ZNF33A: variants seen among roughly 807,000 people sequenced by gnomAD.
ZNF33A encodes the protein zinc finger protein 33A.
Under a neutral mutation model 15.9 loss-of-function variants are expected in ZNF33A, and 9 were observed. That is an observed-to-expected ratio of 0.57 (90% CI 0.34 to 0.99). The LOEUF (loss-of-function observed/expected upper bound fraction) is 0.99. Ranked by LOEUF, ZNF33A falls within the 50% of genes least tolerant of loss-of-function variation. ZNF33A has a pLI of 0.02. For missense variants in ZNF33A, 843 were observed against 941.6 expected (o/e 0.90, Z 1.37); for synonymous variants, 294 against 324.2 (o/e 0.91, Z 1.00).
chr10:38,056,141 T>C lies in ZNF33A; in HGVS notation c.2017T>C (p.Ser673Pro). 1 of 1,613,680 alleles carries C rather than the reference T, an allele frequency of 6.2e-7. No individual in the cohort carries two copies. The highest frequency in any genetic ancestry group is 8.5e-7 in the Non-Finnish European group (1 of 1,179,902). The change falls in exon 5 of 5, where the codon TCT (serine) becomes CCT (proline). Residue 673 changes from serine to proline, a missense_variant. Ser to Pro is a moderately conservative substitution (Grantham distance 74, BLOSUM62 -1). Transcript: ENST00000432900. ...KPYKCNECGKSFCVKSGLIFH... is the reference protein window; with the variant it reads ...KPYKCNECGKPFCVKSGLIFH... ...CTATAAATGTAATGAATGTGGAAAA[T>C]CTTTCTGTGTAAAATCAGGACTTAT...
rs1316216314 is a variant in ZNF33A at position 38,059,388 on chromosome 10, C to T, written c.*2828C>T. ...TGTTAAAAAAAAAAGAAATAAAATG[C>T]ACATAGATTTGAAAGGATGAAATAC... is the stretch of plus-strand genomic sequence containing the variant. On this transcript the variant is annotated 3_prime_UTR_variant, in exon 5 of 5. Transcript: ENST00000432900. 1 of 151,992 alleles carries T rather than the reference C, an allele frequency of 6.6e-6. No homozygotes were observed. The highest frequency in any genetic ancestry group is 1.5e-5 in the Non-Finnish European group (1 of 68,014). The allele number at this position is 151,992 out of a possible 1,614,324, so 9.4% of individuals were successfully genotyped here.
intron 4 of ZNF33A, among the ~76,000 whole-genome samples, chr10:38,036,679 A>G (rs936980494): frequency 5.9e-5 from 9 of 152,220 alleles, no homozygotes; most frequent in African/African-American, 2.2e-4. Flanking sequence ...TCCCTAAGAT[A>G]AGGAAACAAG....
At chr10:38,052,631 A>G (rs1310667586) in intron 4 of ZNF33A, among the ~76,000 whole-genome samples, 1 of 152,124 alleles carries the variant, frequency 6.6e-6, no homozygotes, top group Non-Finnish European at 1.5e-5. Context: ...GTAGACAGGA[A>G]ACTTGTCTAC....
At chr10:38,019,201 G>C (rs2064616722) in intron 4 of ZNF33A, among the ~76,000 whole-genome samples, 1 of 148,750 alleles carries the variant, frequency 6.7e-6, no homozygotes, top group African/African-American at 2.5e-5. Context: ...TGTTCTCATT[G>C]TTCAATTCTC....
chr10:38,010,841 G>C, intron 1 of ZNF33A, 58 bp downstream of exon 1: 1 of 1,588,632 alleles, frequency 6.3e-7, no homozygotes, highest in Non-Finnish European at 8.5e-7. Context: ...CTCCTGGGGC[G>C]GGCGGCAGGG....
chr10:38,065,822 TGTCTCAGCCTCC>T (rs2066705700), downstream of ZNF33A, among the ~76,000 whole-genome samples: 1 of 151,978 alleles, frequency 6.6e-6, no homozygotes, highest in Admixed American at 6.6e-5. Flanking sequence ...GCAATTCTCC[TGTCTCAGCCTCC>T]TGAGTAGCTG....
chr10:38,034,093 C>G (rs2065335562), intron 4 of ZNF33A, among the ~76,000 whole-genome samples: 1 of 152,112 alleles, frequency 6.6e-6, no homozygotes, highest in East Asian at 1.9e-4. Context: ...TATTTCATGA[C>G]TTATAGAAAA....
chr10:38,013,825 C>T (rs1332567128), intron 2 of ZNF33A, among the ~76,000 whole-genome samples: 2 of 152,050 alleles, frequency 1.3e-5, no homozygotes, highest in African/African-American at 2.4e-5. Context: ...TGAATTATTA[C>T]AAATCCGTGG....
rs191025118 is a variant in ZNF33A at position 38,034,872 on chromosome 10, G to A, written c.250+17486G>A. On this transcript the variant is annotated intron_variant, in intron 4 of 4. Transcript: ENST00000432900. ...AATGGTGTGCTTGCAGCAGTAGGGC[G>A]TGGCCATCTCAGCTGACAGAACAGG... is the stretch of plus-strand genomic sequence containing the variant. 7.4e-4 allele frequency among the ~76,000 whole-genome samples: 112 copies of A among 152,230 alleles called. 1 individual carries two copies. Among genetic ancestry groups the A allele is most frequent in the Non-Finnish European group, 9.4e-4 (64 of 68,024 alleles).
chr10:38,017,963 AG>A lies in ZNF33A; in HGVS notation c.250+579del, dbSNP rs778232686. 5.5e-3 allele frequency among the ~76,000 whole-genome samples: 844 copies of A among 152,262 alleles called. 3 individuals carry two copies. The highest frequency in any genetic ancestry group is 9.0e-3 in the Non-Finnish European group (614 of 68,008). On this transcript the variant is annotated intron_variant, in intron 4 of 4. Coordinates refer to ENST00000432900, the MANE Select transcript of ZNF33A (RefSeq NM_006954.2). ...TACTAAATTAGCTGGGTGTGGTGGC[AG>A]GTGCCTGTAATCCCAGCTAACTGGG...
intron 2 of ZNF33A, 41 bp downstream of exon 2, chr10:38,012,391 C>G: frequency 8.3e-7 from 1 of 1,201,398 alleles, no homozygotes. Context: ...TTGCAGTGGA[C>G]TTTGTGAGAT....
chr10:38,015,970 T>C, intron 2 of ZNF33A: 4 of 1,231,116 alleles, frequency 3.2e-6, no homozygotes, highest in Non-Finnish European at 4.1e-6. Flanking sequence ...TTCACAGCAG[T>C]GATCCCTAAA....
At chr10:38,031,586 A>C (rs1488454495) in intron 4 of ZNF33A, among the ~76,000 whole-genome samples, 1 of 150,028 alleles carries the variant, frequency 6.7e-6, no homozygotes, top group Non-Finnish European at 1.5e-5. Context: ...AAAAAAGAAA[A>C]GAAAAAAAAA....
rs756899302 is a variant in ZNF33A, at chr10:38,056,181, A to G, written c.2057A>G (p.Lys686Arg). ...TCAGGACTTATTTTCCATGAGAGAAAGCACACGGGGGAGAAACCCTATGAA... is the reference window on the plus strand; with the variant it reads ...TCAGGACTTATTTTCCATGAGAGAAGGCACACGGGGGAGAAACCCTATGAA... Reference protein sequence around the residue: ...VKSGLIFHERKHTGEKPYECN... With the variant: ...VKSGLIFHERRHTGEKPYECN... The change falls in exon 5 of 5, where the codon AAG becomes AGG. Residue 686 changes from lysine to arginine, a missense_variant. Physicochemically the swap from Lys to Arg is conservative, Grantham distance 26 (BLOSUM62 2). Coordinates refer to ENST00000432900, the MANE Select transcript of ZNF33A (RefSeq NM_006954.2). The G allele has an allele frequency of 6.2e-6, 10 of 1,613,736 alleles. No homozygotes were observed. The highest frequency in any genetic ancestry group is 1.6e-4 in the Middle Eastern group (1 of 6,078).
chr10:38,053,561 G>A (rs1590695980), intron 4 of ZNF33A, among the ~76,000 whole-genome samples: 3 of 152,138 alleles, frequency 2.0e-5, no homozygotes, highest in Non-Finnish European at 4.4e-5. Context: ...TTTTTGGGGG[G>A]CACAGTTTAG....
At chr10:38,035,111 CTTT>C (rs71007683) in intron 4 of ZNF33A, among the ~76,000 whole-genome samples, 5 of 85,772 alleles carry the variant, frequency 5.8e-5, no homozygotes, top group Non-Finnish European at 8.0e-5. Flanking sequence ...CATTTACTTT[CTTT>C]TTTTTTTTTT....
At chr10:38,066,275 ATTATTTAT>A (rs545858786), downstream of ZNF33A, among the ~76,000 whole-genome samples, 1 of 151,454 alleles carries the variant, frequency 6.6e-6, no homozygotes, top group East Asian at 2.0e-4. Flanking sequence ...GGGTTTTTTT[ATTATTTAT>A]TTATTTATTT....
At chr10:38,010,806 G>A (rs1168779317) in intron 1 of ZNF33A, 23 bp downstream of exon 1, 2 of 1,597,436 alleles carry the variant, frequency 1.3e-6, no homozygotes, top group African/African-American at 1.3e-5. Flanking sequence ...GGGTTGGGCA[G>A]GGAGAGAGAG....
chr10:38,015,995 G>A, intron 2 of ZNF33A: 1 of 1,231,532 alleles, frequency 8.1e-7, no homozygotes, highest in Non-Finnish European at 1.0e-6. Flanking sequence ...GTGCCCTAGA[G>A]GATATCCAGA....
Sources: gnomAD v4.1 joint callset for allele counts (sites outside exome capture counted in the v4.1 genomes callset) on GRCh38, gnomAD v4.1.1 for gene constraint, MANE v1.5 for transcripts, NCBI Gene and HGNC (gene_info 2026-07-23, HGNC 2026-07-21) for gene names.